Variants in NR3C2 observed in about 807,000 individuals in gnomAD.
NR3C2 encodes mineralocorticoid receptor.
NR3C2 carries 15 observed loss-of-function variants against 86.4 expected under a neutral mutation model. The observed-to-expected ratio is 0.17, with a 90% CI of 0.12 to 0.27. The LOEUF (loss-of-function observed/expected upper bound fraction) is 0.27. NR3C2 is among the 10% of genes least tolerant of loss of function. The pLI, the probability that NR3C2 is intolerant of heterozygous loss-of-function variation, is 1.00. For synonymous variants in NR3C2, 458 were observed against 450.5 expected (o/e 1.02, Z -0.21); for missense variants, 960 against 1,195.6 (o/e 0.80, Z 2.91).
At chr4:148,285,364 A>C (rs1741465516) in intron 2 of NR3C2, among the ~76,000 whole-genome samples, 1 of 152,220 alleles carries the variant, frequency 6.6e-6, no homozygotes, top group Non-Finnish European at 1.5e-5. Context: ...AGAAGCAACA[A>C]ACTGGTTTAT....
chr4:148,153,727 CA>C (rs55943127), intron 5 of NR3C2, among the ~76,000 whole-genome samples: 65,037 of 150,980 alleles, frequency 0.43, 14,159 homozygotes, highest in East Asian at 0.57. Context: ...TACCATGAAA[CA>C]AAAAAAAATG....
intron 4 of NR3C2, among the ~76,000 whole-genome samples, chr4:148,171,973 G>A (rs1735147997): frequency 6.6e-6 from 1 of 152,082 alleles, no homozygotes; most frequent in Admixed American, 6.6e-5. Context: ...TAGAAACTAT[G>A]GAATCCAATA....
At chr4:148,128,173 C>T (rs1168038569) in intron 6 of NR3C2, among the ~76,000 whole-genome samples, 1 of 152,146 alleles carries the variant, frequency 6.6e-6, no homozygotes, top group African/African-American at 2.4e-5. Flanking sequence ...CCTAAACAAT[C>T]TGAACAACTG....
chr4:148,184,708 T>C (rs565611345), intron 4 of NR3C2, among the ~76,000 whole-genome samples: 2 of 152,316 alleles, frequency 1.3e-5, no homozygotes, highest in South Asian at 2.1e-4. Context: ...AGATTGAGTT[T>C]ACTTTACAAC....
rs539223276 is a variant in NR3C2, at chr4:148,395,896, C to T, written c.1757+39208G>A. On this transcript the variant is annotated intron_variant, in intron 2 of 8. Transcript: ENST00000358102. Reference sequence around the variant, plus strand: ...TGACCATGTGTTGTGCTGGATGTGCCGGGAATTTAAAAATGTTAATCCTGC... The same window carrying T: ...TGACCATGTGTTGTGCTGGATGTGCTGGGAATTTAAAAATGTTAATCCTGC... 2.5e-3 allele frequency among the ~76,000 whole-genome samples: 375 copies of T among 152,174 alleles called. 2 individuals are homozygous for T. The highest frequency in any genetic ancestry group is 8.6e-3 in the African/African-American group (355 of 41,496).
intron 1 of NR3C2, among the ~76,000 whole-genome samples, chr4:148,440,915 T>C (rs1271302091): frequency 1.3e-5 from 2 of 152,264 alleles, no homozygotes; most frequent in Non-Finnish European, 2.9e-5. Flanking sequence ...ATCTTTTTTA[T>C]ATTTATTTGA....
intron 2 of NR3C2, among the ~76,000 whole-genome samples, chr4:148,379,998 T>C (rs561036396): frequency 2.0e-5 from 3 of 152,340 alleles, no homozygotes; most frequent in East Asian, 1.9e-4. Context: ...AAGGGAAAAT[T>C]AGGTATATTT....
chr4:148,268,113 A>G (rs950899712), intron 2 of NR3C2, among the ~76,000 whole-genome samples: 2 of 151,666 alleles, frequency 1.3e-5, no homozygotes, highest in Non-Finnish European at 2.9e-5. Flanking sequence ...TAATTTCTTC[A>G]TATTTTTAGT....
At position 148,389,974 on chromosome 4, in the gene NR3C2, G is replaced by A. The variant is rs145904871; in HGVS notation, c.1757+45130C>T. Among the ~76,000 whole-genome samples the A allele has an allele frequency of 5.9e-5, 9 of 152,094 alleles. No individual in the cohort carries two copies. In the East Asian group the frequency reaches 1.7e-3, roughly 29 times the overall value. The stretch of plus-strand genomic sequence containing the variant: ...ACCTTTTATATACACAAATTTAAGA[G>A]CGTGTAATACAATCGTTCAAACTGT... On this transcript the variant is annotated intron_variant, in intron 2 of 8. Coordinates refer to ENST00000358102, the MANE Select transcript of NR3C2 (RefSeq NM_000901.5).
chr4:148,124,256 AAACC>A (rs1732645947), intron 6 of NR3C2, among the ~76,000 whole-genome samples: 2 of 152,000 alleles, frequency 1.3e-5, no homozygotes, highest in Non-Finnish European at 2.9e-5. Context: ...AAACCAAACC[AAACC>A]AAACCAAAGT....
intron 2 of NR3C2, among the ~76,000 whole-genome samples, chr4:148,427,709 G>C (rs142174253): frequency 2.0e-5 from 3 of 152,240 alleles, no homozygotes; most frequent in African/African-American, 4.8e-5. Context: ...AGTGTCTTCA[G>C]GGATGGGAAC....
At chr4:148,269,378 T>C (rs1051252348) in intron 2 of NR3C2, among the ~76,000 whole-genome samples, 2 of 152,156 alleles carry the variant, frequency 1.3e-5, no homozygotes, top group South Asian at 4.1e-4. Context: ...TTTAAGCATA[T>C]ATGCACATGT....
At chr4:148,082,125 A>G (rs1041813107) in intron 8 of NR3C2, among the ~76,000 whole-genome samples, 19 of 152,316 alleles carry the variant, frequency 1.2e-4, no homozygotes, top group Admixed American at 1.0e-3. Context: ...TTCCTATTTC[A>G]GGCTGATTTT....
At chr4:148,157,954 T>G (rs1734479353) in intron 4 of NR3C2, among the ~76,000 whole-genome samples, 1 of 152,198 alleles carries the variant, frequency 6.6e-6, no homozygotes, top group African/African-American at 2.4e-5. Flanking sequence ...GAACCAGGCT[T>G]AAAAGATGAA....
At chr4:148,168,205 T>G (rs1479401523) in intron 4 of NR3C2, among the ~76,000 whole-genome samples, 1 of 152,114 alleles carries the variant, frequency 6.6e-6, no homozygotes, top group Non-Finnish European at 1.5e-5. Context: ...TTTTTGTGGG[T>G]TGAATGATGG....
chr4:148,270,295 T>C (rs1356638917), intron 2 of NR3C2, among the ~76,000 whole-genome samples: 1 of 152,186 alleles, frequency 6.6e-6, no homozygotes, highest in Middle Eastern at 3.2e-3. Flanking sequence ...CTCTTACTGA[T>C]GCTGTGTGTG....
chr4:148,258,946 A>T (rs1391362190), intron 3 of NR3C2, among the ~76,000 whole-genome samples: 3 of 152,258 alleles, frequency 2.0e-5, no homozygotes, highest in African/African-American at 4.8e-5. Context: ...GAGGACTACC[A>T]AATAATTAAT....
At chr4:148,260,147 T>G (rs1421347971) in intron 2 of NR3C2, 30 bp from the exon 3 acceptor site, 2 of 1,613,464 alleles carry the variant, frequency 1.2e-6, no homozygotes, top group East Asian at 4.5e-5. Flanking sequence ...TTTAAATAAC[T>G]ACACCGTAAA....
chr4:148,305,862 T>TAATA (rs1742589922), intron 2 of NR3C2, among the ~76,000 whole-genome samples: 1 of 152,238 alleles, frequency 6.6e-6, no homozygotes, highest in African/African-American at 2.4e-5. Context: ...TAATTCAATA[T>TAATA]GTTTCCTGGC....
Sources: allele counts gnomAD v4.1 joint callset (sites outside exome capture counted in the v4.1 genomes callset), GRCh38; gene constraint gnomAD v4.1.1; transcripts MANE v1.5; gene names NCBI Gene and HGNC (gene_info 2026-07-23, HGNC 2026-07-21).